Variants in GDF1 observed in about 807,000 individuals in gnomAD.
GDF1 encodes growth differentiation factor 1.
GDF1 carries 8 observed loss-of-function variants against 7.4 expected under a neutral mutation model. That is an observed-to-expected ratio of 1.09 (90% CI 0.64 to 1.96). The LOEUF (loss-of-function observed/expected upper bound fraction) is 1.96, where lower values mean the gene tolerates loss of function less well. GDF1 is among the 30% of genes most tolerant of loss of function. The pLI is 0.00. For missense variants in GDF1, 574 were observed against 551.5 expected (o/e 1.04, Z -0.41); for synonymous variants, 311 against 276.7 (o/e 1.12, Z -1.23).
At chr19:18,889,064 G>A (rs955248543) in intron 2 of GDF1, among the ~76,000 whole-genome samples, 2 of 151,458 alleles carry the variant, frequency 1.3e-5, no homozygotes, top group Non-Finnish European at 2.9e-5. Context: ...GCTAATTTTT[G>A]TATTTTTAGT....
At chr19:18,882,624 G>A (rs963264062) in intron 3 of GDF1, among the ~76,000 whole-genome samples, 3 of 151,282 alleles carry the variant, frequency 2.0e-5, no homozygotes, top group Non-Finnish European at 4.4e-5. Flanking sequence ...GCGACAGAGC[G>A]AGACTCTGTC....
At chr19:18,894,196 T>C (rs1244356772) in intron 1 of GDF1, among the ~76,000 whole-genome samples, 12 of 129,244 alleles carry the variant, frequency 9.3e-5, no homozygotes, top group East Asian at 5.1e-4. Context: ...TGAGGGGACA[T>C]TGGGAGTGCA....
intron 4 of GDF1, 84 bp from the exon 5 acceptor site, chr19:18,879,472 C>T: frequency 2.7e-6 from 4 of 1,470,202 alleles, no homozygotes; most frequent in Non-Finnish European, 3.7e-6. Flanking sequence ...CTAGACCCAC[C>T]CTTGCCCCCT....
chr19:18,868,605 A>G lies in GDF1; in HGVS notation c.1111T>C (p.Cys371Arg). The G allele has an allele frequency of 6.4e-7, 1 of 1,559,160 alleles. No homozygotes were observed. ...TCCCTGCCCGCCCCGGGTTAGCGGC[A>G]GCCGCACTCGTCCACCACCATGTCC... ...YEDMVVDECG[C>R]R is the part of the protein sequence containing the mutation. The change falls in exon 8 of 8, where the codon TGC becomes CGC. Residue 371 changes from cysteine (C) to arginine (R), a missense_variant. Coordinates refer to ENST00000247005, the MANE Select transcript of GDF1 (RefSeq NM_001492.6).
chr19:18,887,172 T>A (rs1475474211), intron 2 of GDF1, among the ~76,000 whole-genome samples: 1 of 152,102 alleles, frequency 6.6e-6, no homozygotes, highest in Non-Finnish European at 1.5e-5. Flanking sequence ...TATGCAGCCA[T>A]GAAAAAGAAT....
intron 3 of GDF1, chr19:18,883,296 A>T (rs988959915): frequency 6.6e-6 from 1 of 152,232 alleles, no homozygotes; most frequent in Non-Finnish European, 1.5e-5. Flanking sequence ...AGAAAGAGAA[A>T]AGAACAGGTA....
In GDF1 at chr19:18,895,767, C is replaced by A; in HGVS notation, c.-1074+57G>T. The A allele has an allele frequency of 9.9e-7, 1 of 1,010,650 alleles. No homozygotes were observed. Among genetic ancestry groups the A allele is most frequent in the South Asian group, 3.0e-5 (1 of 33,192 alleles). The allele number at this position is 1,010,650 out of a possible 1,614,324, so 62.6% of individuals were successfully genotyped here. Reference sequence around the variant, plus strand: ...GAACGCGCCGGCGGCCCCAGGTCCCCGGTCCCGGCTTCCCCCAGTCCGGGG... The same window carrying A: ...GAACGCGCCGGCGGCCCCAGGTCCCAGGTCCCGGCTTCCCCCAGTCCGGGG... On this transcript the variant is annotated intron_variant, in intron 1 of 7. Coordinates refer to ENST00000247005, the MANE Select transcript of GDF1 (RefSeq NM_001492.6). This position sits in a 1 kb window ranked among gnomAD's most constrained non-coding sequence, Gnocchi z 6.4.
At position 18,878,678 on chromosome 19, in the gene GDF1, A is replaced by C. The variant is rs1601161116; in HGVS notation, c.-313+252T>G. The C allele has an allele frequency of 1.5e-6, 2 of 1,319,214 alleles. No homozygotes were observed. Among genetic ancestry groups the C allele is most frequent in the Non-Finnish European group, 9.7e-7 (1 of 1,027,428 alleles). 81.7% of individuals were successfully genotyped at this position (1,319,214 alleles called of 1,614,324 possible). ...ACTAGGCCTGGCCCTCAGTGTCCCT[A>C]CCGCTGAGACCCTGCCTGTCGCCCT... On this transcript the variant is annotated intron_variant, in intron 6 of 7. Transcript: ENST00000247005. This position sits in a 1 kb window ranked among gnomAD's most constrained non-coding sequence, Gnocchi z 4.6.
At chr19:18,893,024 C>G (rs1362548285) in intron 2 of GDF1, among the ~76,000 whole-genome samples, 2 of 151,892 alleles carry the variant, frequency 1.3e-5, no homozygotes, top group Non-Finnish European at 2.9e-5. Context: ...TCAAGCGATT[C>G]TCCTGCCTCA....
intron 3 of GDF1, chr19:18,883,343 A>G (rs1005668326): frequency 6.6e-6 from 1 of 152,176 alleles, no homozygotes; most frequent in Non-Finnish European, 1.5e-5. Context: ...TTAATTCAGT[A>G]TATCCAAAAT....
At chr19:18,881,163 T>C (rs999571585) in intron 3 of GDF1, among the ~76,000 whole-genome samples, 2 of 151,956 alleles carry the variant, frequency 1.3e-5, no homozygotes, top group South Asian at 4.2e-4. Flanking sequence ...ACGTGCAGCC[T>C]GGCCATCGCT....
rs1337047470 is a variant in GDF1, at chr19:18,895,626, G to A, written c.-1074+198C>T. Among the ~76,000 whole-genome samples the A allele has an allele frequency of 6.6e-6, 1 of 151,890 alleles. No homozygotes were observed. The highest frequency in any genetic ancestry group is 1.9e-4 in the East Asian group (1 of 5,136). On this transcript the variant is annotated intron_variant, in intron 1 of 7. Transcript: ENST00000247005. This position sits in a 1 kb window ranked among gnomAD's most constrained non-coding sequence, Gnocchi z 6.4. Reference sequence around the variant, plus strand: ...ACGCAGCACTGTCTGAAGGGGGCGCGCGGCGGCCCGAGAGACCTTATCCTG... The same window carrying A: ...ACGCAGCACTGTCTGAAGGGGGCGCACGGCGGCCCGAGAGACCTTATCCTG...
rs2056605875 is a variant in GDF1 at position 18,895,587 on chromosome 19, T to C, written c.-1074+237A>G. 6.7e-6 allele frequency among the ~76,000 whole-genome samples: 1 copy of C among 149,396 alleles called. No individual in the cohort carries two copies. The stretch of plus-strand genomic sequence containing the variant: ...CCCAGCCCGGCCACACCCCCGCATC[T>C]ACCCGGTTCCCCCACGCAGCACTGT... On this transcript the variant is annotated intron_variant, in intron 1 of 7. Coordinates refer to ENST00000247005, the MANE Select transcript of GDF1 (RefSeq NM_001492.6). The surrounding 1 kb of genome is among the most constrained non-coding windows in gnomAD (Gnocchi z 6.4).
intron 3 of GDF1, chr19:18,881,655 C>A (rs1375798579): frequency 1.3e-5 from 2 of 152,298 alleles, no homozygotes; most frequent in Non-Finnish European, 2.9e-5. Context: ...CTGTTCCTTG[C>A]TCTGTCTCCT....
Position 18,895,641 on chromosome 19 carries a change from A to C in GDF1, c.-1074+183T>G, listed in dbSNP as rs2056607170. 6.7e-6 allele frequency among the ~76,000 whole-genome samples: 1 copy of C among 149,984 alleles called. No individual in the cohort carries two copies. Among genetic ancestry groups the C allele is most frequent in the Admixed American group, 6.6e-5 (1 of 15,156 alleles). On this transcript the variant is annotated intron_variant, in intron 1 of 7. Transcript: ENST00000247005. This position sits in a 1 kb window ranked among gnomAD's most constrained non-coding sequence, Gnocchi z 6.4. The stretch of plus-strand genomic sequence containing the variant: ...AAGGGGGCGCGCGGCGGCCCGAGAG[A>C]CCTTATCCTGGGGCTCCAACGTCCT...
Position 18,878,740 on chromosome 19 carries a change from C to T in GDF1, c.-313+190G>A. 1.4e-6 allele frequency: 2 copies of T among 1,402,044 alleles called. No individual in the cohort carries two copies. Among genetic ancestry groups the T allele is most frequent in the African/African-American group, 2.9e-5 (2 of 69,084 alleles). The allele number at this position is 1,402,044 out of a possible 1,614,324, so 86.9% of individuals were successfully genotyped here. On this transcript the variant is annotated intron_variant, in intron 6 of 7. Transcript: ENST00000247005. This position sits in a 1 kb window ranked among gnomAD's most constrained non-coding sequence, Gnocchi z 4.6. ...CCCAGCCTCTCCCTCCCCTTCCTCA[C>T]TGTCCTGTCCTTCAGGGTACTGGCC...
chr19:18,894,276 C>A (rs939412165), intron 1 of GDF1, among the ~76,000 whole-genome samples: 1 of 151,912 alleles, frequency 6.6e-6, no homozygotes, highest in Non-Finnish European at 1.5e-5. Flanking sequence ...GGCGCGGCTC[C>A]AGAGCTGCCC....
Position 18,870,318 on chromosome 19 carries a change from G to A in GDF1, c.-11C>T, listed in dbSNP as rs374282355. 712 of 1,545,224 alleles carry A rather than the reference G, an allele frequency of 4.6e-4. 5 individuals carry two copies. In the African/African-American group the frequency reaches 8.9e-3, roughly 19 times the overall value. On this transcript the variant is annotated 5_prime_UTR_variant, in exon 7 of 8. Coordinates refer to ENST00000247005, the MANE Select transcript of GDF1 (RefSeq NM_001492.6). This position sits in a 1 kb window ranked among gnomAD's most constrained non-coding sequence, Gnocchi z 5.1. ...CTGCGGCGGTGGCATCTTCCTCCCAGGCGATGACCAGAGAGTGCGCAGGGT... is the reference window on the plus strand; with the variant it reads ...CTGCGGCGGTGGCATCTTCCTCCCAAGCGATGACCAGAGAGTGCGCAGGGT...
intron 2 of GDF1, among the ~76,000 whole-genome samples, chr19:18,890,200 A>G (rs2056456814): frequency 6.6e-6 from 1 of 152,042 alleles, no homozygotes; most frequent in Non-Finnish European, 1.5e-5. Flanking sequence ...GCCCTCACTC[A>G]GTCCCCTTAA....
Sources: allele counts gnomAD v4.1 joint callset (sites outside exome capture counted in the v4.1 genomes callset), GRCh38; gene constraint gnomAD v4.1.1; non-coding constraint Gnocchi (gnomAD v3.1); transcripts MANE v1.5; gene names NCBI Gene and HGNC (gene_info 2026-07-23, HGNC 2026-07-21).